The following TRAPPC11 variants were observed in gnomAD, a reference collection of about 807,000 sequenced individuals.
The protein encoded by TRAPPC11 is trafficking protein particle complex subunit 11, also known as foie gras homolog.
TRAPPC11 carries 104 observed loss-of-function variants against 151.2 expected under a neutral mutation model. That is an observed-to-expected ratio of 0.69 (90% CI 0.59 to 0.81). The LOEUF is 0.81. TRAPPC11 is among the 30% of genes least tolerant of loss of function. TRAPPC11 has a pLI of 0.00. For missense variants in TRAPPC11, 1,230 were observed against 1,349.6 expected, an observed-to-expected ratio of 0.91 and a Z score of 1.39; for synonymous variants, 456 against 472.3, an observed-to-expected ratio of 0.97 and a Z score of 0.45.
In TRAPPC11 at chr4:183,675,293, G is replaced by A. The variant is rs7678174; in HGVS notation, c.734+56G>A. 477,386 of 1,084,630 alleles carry A rather than the reference G, an allele frequency of 0.44. 108,479 individuals are homozygous for A. The highest frequency in any genetic ancestry group is 0.62 in the African/African-American group (38,297 of 61,960). The allele number at this position is 1,084,630 out of a possible 1,614,324, so 67.2% of individuals were successfully genotyped here. On this transcript the variant is annotated intron_variant, in intron 7 of 29. Transcript: ENST00000334690. ...TATTTTTATATTAACAATAACATGT[G>A]ATGGAAATTTCTGAATCTCAGCCAA...
intron 1 of TRAPPC11, among the ~76,000 whole-genome samples, chr4:183,660,522 GA>G (rs746664036): frequency 6.6e-6 from 1 of 152,160 alleles, no homozygotes; most frequent in African/African-American, 2.4e-5. Flanking sequence ...ATGACTGCTA[GA>G]AATTTTTAAT....
chr4:183,693,556 G>A, intron 20 of TRAPPC11, 33 bp from the exon 21 acceptor site: 1 of 1,546,630 alleles, frequency 6.5e-7, no homozygotes. Context: ...CTTTTTTTTT[G>A]ATCAGTTACT....
intron 29 of TRAPPC11, 44 bp from the exon 30 acceptor site, chr4:183,712,556 A>G (rs183083981): frequency 1.9e-6 from 3 of 1,572,622 alleles, no homozygotes; most frequent in Middle Eastern, 1.7e-4. Flanking sequence ...TTTTGTTATT[A>G]TATTATAATT....
chr4:183,664,108 C>T, intron 2 of TRAPPC11, 37 bp downstream of exon 2: 1 of 1,533,180 alleles, frequency 6.5e-7, no homozygotes, highest in Non-Finnish European at 9.0e-7. Flanking sequence ...CTTTCCTTCT[C>T]TCTCTCTATG....
At chr4:183,711,113 A>AT (rs749592481) in intron 29 of TRAPPC11, among the ~76,000 whole-genome samples, 2,977 of 134,248 alleles carry the variant, frequency 0.022, 61 homozygotes, top group East Asian at 0.065. Flanking sequence ...AATGTCTACA[A>AT]TTTTTTTTTT....
At chr4:183,677,331 A>G (rs1735463000) in intron 7 of TRAPPC11, 127 bp from the exon 8 acceptor site, 2 of 674,450 alleles carry the variant, frequency 3.0e-6, no homozygotes, top group Admixed American at 5.4e-5. Flanking sequence ...AGGAAATCAG[A>G]GATTGACATT....
chr4:183,672,889 T>G (rs1735221592), intron 5 of TRAPPC11, among the ~76,000 whole-genome samples: 1 of 152,170 alleles, frequency 6.6e-6, no homozygotes. Context: ...TTCAGAATAG[T>G]CTGTAGACAT....
chr4:183,701,796 T>C lies in TRAPPC11; in HGVS notation c.2951T>C (p.Ile984Thr), dbSNP rs756061183. Residue 984 changes from isoleucine (I) to threonine (T), a missense_variant, in exon 26 of 30, where the codon ATC (isoleucine) becomes ACC (threonine). Transcript: ENST00000334690. ...GGAGTAGCAACCGGGCATTATATTATCTCTTGGAAAAGGTAAGAATTATGT... is the reference window on the plus strand; with the variant it reads ...GGAGTAGCAACCGGGCATTATATTACCTCTTGGAAAAGGTAAGAATTATGT... ...EGGVATGHYI[I>T]SWKRTSAMEN... 13 of 1,609,474 alleles carry C rather than the reference T, an allele frequency of 8.1e-6. No homozygotes were observed. In the South Asian group the frequency reaches 1.4e-4, roughly 18 times the overall value.
chr4:183,672,361 T>C (rs1579169154), intron 5 of TRAPPC11, among the ~76,000 whole-genome samples: 2 of 152,054 alleles, frequency 1.3e-5, no homozygotes, highest in East Asian at 3.9e-4. Flanking sequence ...TTTTTTATTG[T>C]AGAACAAAAA....
At chr4:183,674,469 G>A (rs1735312698) in intron 5 of TRAPPC11, among the ~76,000 whole-genome samples, 1 of 145,570 alleles carries the variant, frequency 6.9e-6, no homozygotes, top group South Asian at 2.2e-4. Flanking sequence ...TTATGAATCA[G>A]AGAAAGGTAT....
chr4:183,665,177 C>T (rs1359716712), intron 2 of TRAPPC11, among the ~76,000 whole-genome samples: 2 of 144,826 alleles, frequency 1.4e-5, no homozygotes, highest in Non-Finnish European at 3.0e-5. Context: ...TCACTGCAAG[C>T]TCCGCCTCCT....
intron 10 of TRAPPC11, 73 bp downstream of exon 10, chr4:183,680,340 G>A: frequency 2.1e-6 from 3 of 1,429,266 alleles, no homozygotes; most frequent in Non-Finnish European, 2.8e-6. Context: ...AGAACTGATT[G>A]GTGTTGATAA....
chr4:183,696,459 G>A (rs1364642254), intron 23 of TRAPPC11, among the ~76,000 whole-genome samples: 2 of 151,958 alleles, frequency 1.3e-5, no homozygotes, highest in African/African-American at 4.8e-5. Flanking sequence ...GTAGTGGCAC[G>A]ATCTTGGTTC....
chr4:183,694,754 C>T lies in TRAPPC11; in HGVS notation c.2628+31C>T, dbSNP rs373688025. On this transcript the variant is annotated intron_variant, in intron 23 of 29. Transcript: ENST00000334690. Reference sequence around the variant, plus strand: ...TTTTTATAGCTACTTTATAAAGCATCATATGTGGAGTATTCCCATTTTGTG... The same window carrying T: ...TTTTTATAGCTACTTTATAAAGCATTATATGTGGAGTATTCCCATTTTGTG... The T allele has an allele frequency of 1.1e-5, 18 of 1,596,058 alleles. No individual in the cohort carries two copies. The African/African-American group carries it at 2.0e-4, about 18-fold the overall frequency.
Position 183,701,926 on chromosome 4 carries a change from T to C in TRAPPC11, c.2963+118T>C, listed in dbSNP as rs111655358. On this transcript the variant is annotated intron_variant, in intron 26 of 29. Transcript: ENST00000334690. The stretch of plus-strand genomic sequence containing the variant: ...CTGTCATTCTGAAGAGCAGAAGTCA[T>C]GTGGATATGAACACAAACCTGAAAA... The C allele has an allele frequency of 7.5e-4, 544 of 727,346 alleles. 1 individual carries two copies. In the African/African-American group the frequency reaches 8.2e-3, roughly 11 times the overall value. 45.1% of individuals were successfully genotyped at this position (727,346 alleles called of 1,614,324 possible). A position where few individuals can be genotyped will look rare whatever the true frequency, so the allele number is the denominator to read the frequency against.
At chr4:183,708,142 G>T (rs1287863820) in intron 28 of TRAPPC11, among the ~76,000 whole-genome samples, 6 of 152,096 alleles carry the variant, frequency 3.9e-5, no homozygotes, top group Admixed American at 3.9e-4. Flanking sequence ...TCTTTAGGAG[G>T]TATAAGTTAC....
At chr4:183,691,269 G>A (rs750172749) in intron 18 of TRAPPC11, 47 bp from the exon 19 acceptor site, 43 of 1,412,150 alleles carry the variant, frequency 3.0e-5, no homozygotes, top group South Asian at 1.3e-4. Flanking sequence ...TGGCATTTAG[G>A]GTTAGCAGAC....
chr4:183,659,472 G>C (rs1470505081), intron 1 of TRAPPC11, 25 bp downstream of exon 1: 1 of 153,622 alleles, frequency 6.5e-6, no homozygotes, highest in East Asian at 1.9e-4. Flanking sequence ...GGAGACCCGC[G>C]GGGCCAGGCG....
chr4:183,701,731 C>T lies in TRAPPC11; in HGVS notation c.2886C>T (p.Cys962=), dbSNP rs1579219582. The change falls in exon 26 of 30, where the codon TGC becomes TGT. Residue 962 remains cysteine (C), a synonymous_variant. Transcript: ENST00000334690. ...AGACTGGAGAGAGTGCTAGTGAATG[C>T]TTTTGTCTTCAATGCCCATCTCTTG... The part of the protein sequence containing the change: ...ILQTGESASE[C]FCLQCPSLGN... 6.2e-7 allele frequency: 1 copy of T among 1,613,854 alleles called. No individual in the cohort carries two copies.
Sources: allele counts gnomAD v4.1 joint callset (sites outside exome capture counted in the v4.1 genomes callset), GRCh38; gene constraint gnomAD v4.1.1; transcripts MANE v1.5; gene names NCBI Gene and HGNC (gene_info 2026-07-23, HGNC 2026-07-21).